The following SUCLG2 variants were observed in gnomAD, a reference collection of about 807,000 sequenced individuals.
The protein encoded by SUCLG2 is succinate-CoA ligase GDP-forming subunit beta, also known as succinate--CoA ligase [GDP-forming] subunit beta, mitochondrial.
In SUCLG2, 42 loss-of-function variants were observed where a neutral mutation model predicts 47.9. That is an observed-to-expected ratio of 0.88 (90% confidence interval 0.69 to 1.14). The LOEUF is 1.14. SUCLG2 is among the 50% of genes most tolerant of loss of function. The probability of loss-of-function intolerance (pLI) is 0.00; values close to 1 mark genes in which losing one functional copy is unlikely to be tolerated. For missense variants in SUCLG2, 571 were observed against 525.9 expected, an observed-to-expected ratio of 1.09 and a Z score of -0.84; for synonymous variants, 195 against 197.3, an observed-to-expected ratio of 0.99 and a Z score of 0.10.
chr3:67,514,104 C>T, intron 6 of SUCLG2: 1 of 320,814 alleles, frequency 3.1e-6, no homozygotes, highest in Non-Finnish European at 6.3e-6. Flanking sequence ...ACGACCCTAA[C>T]TGCTGACGGC....
At chr3:67,362,947 G>T (rs1387531287) in intron 10 of SUCLG2, among the ~76,000 whole-genome samples, 2 of 152,094 alleles carry the variant, frequency 1.3e-5, no homozygotes, top group Admixed American at 1.3e-4. Flanking sequence ...CCCGTGAGAT[G>T]GGGCCTAGGC....
chr3:67,375,586 T>C lies in SUCLG2; in HGVS notation c.*158A>G, dbSNP rs1034257279. 16 of 1,426,264 alleles carry C rather than the reference T, an allele frequency of 1.1e-5. No homozygotes were observed. The highest frequency in any genetic ancestry group is 5.8e-5 in the Admixed American group (2 of 34,620). The allele number at this position is 1,426,264 out of a possible 1,614,324, so 88.4% of individuals were successfully genotyped here. On this transcript the variant is annotated 3_prime_UTR_variant, in exon 11 of 11. Transcript: ENST00000307227. ...AAATCAGATTTAGGCTGTCTAGATA[T>C]CTTATTCCAGAAAACACAGATTTAA...
At chr3:67,638,618 G>GTAAT (rs1701047193) in intron 1 of SUCLG2, among the ~76,000 whole-genome samples, 2 of 152,188 alleles carry the variant, frequency 1.3e-5, no homozygotes, top group African/African-American at 4.8e-5. Context: ...GGTCATCAAA[G>GTAAT]TCTAATTCCA....
intron 2 of SUCLG2, among the ~76,000 whole-genome samples, chr3:67,602,272 TAAG>T (rs756335973): frequency 6.6e-6 from 1 of 152,146 alleles, no homozygotes; most frequent in Non-Finnish European, 1.5e-5. Flanking sequence ...GGTAAAAGTG[TAAG>T]AAGAATTAAT....
chr3:67,521,440 C>T (rs1223043492), intron 4 of SUCLG2, among the ~76,000 whole-genome samples: 1 of 152,062 alleles, frequency 6.6e-6, no homozygotes, highest in Non-Finnish European at 1.5e-5. Context: ...AGCCAGGTGT[C>T]CTTTTGCTCT....
chr3:67,512,169 C>A (rs915810627), intron 6 of SUCLG2, among the ~76,000 whole-genome samples: 2 of 151,092 alleles, frequency 1.3e-5, no homozygotes, highest in East Asian at 1.9e-4. Context: ...GGAAATTTCA[C>A]AATAATGTCA....
At chr3:67,539,753 T>C (rs1706648783) in intron 2 of SUCLG2, among the ~76,000 whole-genome samples, 1 of 152,200 alleles carries the variant, frequency 6.6e-6, no homozygotes, top group Non-Finnish European at 1.5e-5. Flanking sequence ...TATTGGTATA[T>C]TCAGGGATTC....
At chr3:67,461,760 C>G (rs1704341290) in intron 9 of SUCLG2, among the ~76,000 whole-genome samples, 1 of 152,006 alleles carries the variant, frequency 6.6e-6, no homozygotes, top group Non-Finnish European at 1.5e-5. Context: ...CCAAATGTCC[C>G]CTGGGAGGTA....
downstream of SUCLG2, among the ~76,000 whole-genome samples, chr3:67,372,979 T>G (rs1445978753): frequency 3.9e-5 from 6 of 152,312 alleles, no homozygotes; most frequent in African/African-American, 1.2e-4. Context: ...TGGGTGTGTC[T>G]GTGACAATAA....
intron 9 of SUCLG2, among the ~76,000 whole-genome samples, chr3:67,475,807 G>T (rs1479053605): frequency 3.3e-5 from 5 of 151,300 alleles, no homozygotes; most frequent in African/African-American, 1.2e-4. Flanking sequence ...TCCCACCTCG[G>T]CCTCCCAAAG....
chr3:67,536,776 CA>C (rs1706555777), intron 2 of SUCLG2, among the ~76,000 whole-genome samples: 1 of 152,150 alleles, frequency 6.6e-6, no homozygotes, highest in Admixed American at 6.5e-5. Flanking sequence ...AAATGCACAA[CA>C]GTTAAAAAGT....
At chr3:67,631,719 G>T (rs1206719639) in intron 1 of SUCLG2, among the ~76,000 whole-genome samples, 1 of 152,192 alleles carries the variant, frequency 6.6e-6, no homozygotes, top group Non-Finnish European at 1.5e-5. Flanking sequence ...CTCTCAATGT[G>T]TAATTATACA....
intron 1 of SUCLG2, among the ~76,000 whole-genome samples, chr3:67,630,379 A>G (rs1470327252): frequency 6.6e-6 from 1 of 152,244 alleles, no homozygotes; most frequent in Admixed American, 6.5e-5. Flanking sequence ...GACATTAAAC[A>G]TAGAATGCAA....
intron 9 of SUCLG2, among the ~76,000 whole-genome samples, chr3:67,414,562 G>A (rs55876536): frequency 0.16 from 24,690 of 152,184 alleles, 2,474 homozygotes; most frequent in East Asian, 0.4. Context: ...AAATGGGGCA[G>A]TTGCTACACA....
chr3:67,653,705 T>C lies in SUCLG2; in HGVS notation c.84+798A>G, dbSNP rs141693476. Among the ~76,000 whole-genome samples the C allele has an allele frequency of 2.1e-3, 324 of 152,294 alleles. 4 individuals are homozygous for C. Among genetic ancestry groups the C allele is most frequent in the African/African-American group, 7.3e-3 (302 of 41,566 alleles). ...CTACGGAGACTAACCAGTTCAGTGGTTGAGTGATTTCTACAAGAGTCATCA... is the reference window on the plus strand; with the variant it reads ...CTACGGAGACTAACCAGTTCAGTGGCTGAGTGATTTCTACAAGAGTCATCA... On this transcript the variant is annotated intron_variant, in intron 1 of 10. Coordinates refer to ENST00000307227, the MANE Select transcript of SUCLG2 (RefSeq NM_003848.4).
chr3:67,393,734 G>T (rs1702451376), intron 10 of SUCLG2, among the ~76,000 whole-genome samples: 2 of 152,176 alleles, frequency 1.3e-5, no homozygotes, highest in Admixed American at 6.5e-5. Context: ...GTGGGTCCCT[G>T]ACCCCTGACC....
chr3:67,590,497 G>GT (rs1708131513), intron 2 of SUCLG2, among the ~76,000 whole-genome samples: 1 of 152,130 alleles, frequency 6.6e-6, no homozygotes, highest in South Asian at 2.1e-4. Context: ...GCAGACGTGA[G>GT]TGAGTTCTCA....
intron 9 of SUCLG2, among the ~76,000 whole-genome samples, chr3:67,430,434 GAGACAC>G (rs1703444889): frequency 6.6e-6 from 1 of 152,208 alleles, no homozygotes; most frequent in Non-Finnish European, 1.5e-5. Flanking sequence ...CAGAATCTCT[GAGACAC>G]ACTTAAAGCA....
rs975108896 is a variant in SUCLG2, at chr3:67,362,519, T to TG, written c.1184-1752_1184-1751insC. ...GTTAATGAATGATAATCTAATTTTTTTGTGTGTGTGTGATAGTTAAGCTGG... is the reference window on the plus strand; with the variant it reads ...GTTAATGAATGATAATCTAATTTTTTGTGTGTGTGTGTGATAGTTAAGCTGG... On this transcript the variant is annotated intron_variant, in intron 10 of 10. Transcript: ENST00000493112. 5.9e-5 allele frequency among the ~76,000 whole-genome samples: 9 copies of TG among 152,256 alleles called. 1 individual carries two copies. The highest frequency in any genetic ancestry group is 2.6e-4 in the Admixed American group (4 of 15,274).
Sources: gnomAD v4.1 joint callset for allele counts (sites outside exome capture counted in the v4.1 genomes callset) on GRCh38, gnomAD v4.1.1 for gene constraint, MANE v1.5 for transcripts, NCBI Gene and HGNC (gene_info 2026-07-23, HGNC 2026-07-21) for gene names.